Variants in CLEC4F observed in about 807,000 individuals in gnomAD.
CLEC4F encodes C-type (calcium dependent, carbohydrate-recognition domain) lectin, superfamily member 13.
Under a neutral mutation model 53.4 loss-of-function variants are expected in CLEC4F, and 45 were observed. The ratio of observed to expected loss-of-function variants is 0.84; its 90% CI spans 0.66 to 1.08. The LOEUF (loss-of-function observed/expected upper bound fraction) is 1.08. CLEC4F is among the 50% of genes least tolerant of loss of function. CLEC4F has a pLI of 0.00. For missense variants in CLEC4F, 753 were observed against 698.2 expected (o/e 1.08, Z -0.88); for synonymous variants, 245 against 257.5 (o/e 0.95, Z 0.46).
rs146486741 is a variant in CLEC4F at position 70,814,404 on chromosome 2, G to A, written c.1387+1590C>T. On this transcript the variant is annotated intron_variant, in intron 4 of 6. Transcript: ENST00000272367. The stretch of plus-strand genomic sequence containing the variant: ...AGAGATGGGTATAAATCAGGGGTTC[G>A]AAAAGTGTGGTCCCAGACCATCAGC... Among the ~76,000 whole-genome samples the A allele has an allele frequency of 9.5e-3, 1,442 of 152,246 alleles. 24 individuals carry two copies. The highest frequency in any genetic ancestry group is 0.033 in the African/African-American group (1,368 of 41,526).
Position 70,816,654 on chromosome 2 carries a change from C to T in CLEC4F, c.727G>A (p.Ala243Thr), listed in dbSNP as rs1553396156. The change falls in exon 4 of 7, where the codon GCC becomes ACC. Residue 243 changes from alanine to threonine, a missense_variant. Coordinates refer to ENST00000272367, the MANE Select transcript of CLEC4F (RefSeq NM_173535.3). ...TTAGCGTTCTTTAAACTGCTATTGG[C>T]TAACTGAGCCTGGGTATTTGCCGTT... ...LETANTQAQL[A>T]NSSLKNANAE... is the part of the protein sequence containing the mutation. The T allele has an allele frequency of 2.5e-6, 4 of 1,614,184 alleles. No homozygotes were observed. The highest frequency in any genetic ancestry group is 2.5e-6 in the Non-Finnish European group (3 of 1,180,048).
In CLEC4F at chr2:70,816,443, GTGT is replaced by G. The variant is rs1433207614; in HGVS notation, c.935_937del (p.Asn312del). On this transcript the variant is annotated inframe_deletion, in exon 4 of 7. Transcript: ENST00000272367. ...TCTTAAGAACTGGATCTCAGCACTA[GTGT>G]TGTCAAAACTGCTTTTTATAAAGGC... 12 of 1,614,120 alleles carry G rather than the reference GTGT, an allele frequency of 7.4e-6. No homozygotes were observed. The East Asian group carries it at 1.8e-4, about 24-fold the overall frequency.
intron 1 of CLEC4F, among the ~76,000 whole-genome samples, chr2:70,820,139 A>C (rs2075222): frequency 0.34 from 51,809 of 152,122 alleles, 9,587 homozygotes; most frequent in East Asian, 0.53. Flanking sequence ...GAGACCACCG[A>C]TCTCCAAATC....
Position 70,819,126 on chromosome 2 carries a change from G to A in CLEC4F, c.268+229C>T, listed in dbSNP as rs77791575. Among the ~76,000 whole-genome samples, 982 of 152,306 alleles carry A rather than the reference G, an allele frequency of 6.4e-3. 10 individuals are homozygous for A. Among genetic ancestry groups the A allele is most frequent in the African/African-American group, 0.022 (905 of 41,558 alleles). ...ATGACTATGTGATGATGATTGTGGT[G>A]ATGGTTTCAGGGGCACACACATATG... On this transcript the variant is annotated intron_variant, in intron 3 of 6. Coordinates refer to ENST00000272367, the MANE Select transcript of CLEC4F (RefSeq NM_173535.3).
intron 2 of CLEC4F, 117 bp from the exon 3 acceptor site, chr2:70,819,561 A>G (rs1677114912): frequency 2.0e-6 from 2 of 1,025,510 alleles, no homozygotes; most frequent in East Asian, 2.4e-5. Flanking sequence ...AGACCCTCCC[A>G]GGGTTTCCCT....
At chr2:70,817,471 T>A (rs535930559) in intron 3 of CLEC4F, among the ~76,000 whole-genome samples, 1 of 152,216 alleles carries the variant, frequency 6.6e-6, no homozygotes, top group African/African-American at 2.4e-5. Flanking sequence ...CATTTAGAGC[T>A]GTTGAAGTTT....
chr2:70,818,704 C>G (rs1481787747), intron 3 of CLEC4F, among the ~76,000 whole-genome samples: 1 of 151,702 alleles, frequency 6.6e-6, no homozygotes, highest in East Asian at 1.9e-4. Flanking sequence ...GAGCGAGACT[C>G]CGTCAAAAAA....
chr2:70,821,512 T>C (rs1677219519), upstream of CLEC4F, among the ~76,000 whole-genome samples: 1 of 152,168 alleles, frequency 6.6e-6, no homozygotes, highest in Non-Finnish European at 1.5e-5. Context: ...GCTTAGGGAT[T>C]GGTGATCCAC....
At chr2:70,813,548 TTTC>T (rs1553394877) in intron 4 of CLEC4F, among the ~76,000 whole-genome samples, 29 of 148,722 alleles carry the variant, frequency 1.9e-4, no homozygotes, top group Non-Finnish European at 3.7e-4. Flanking sequence ...TTTTTCTTTC[TTTC>T]TTTTTTTCTT....
rs1553395871 is a variant in CLEC4F at position 70,816,306 on chromosome 2, T to G, written c.1075A>C (p.Ile359Leu). ...TCCATCTCTGACTTGAATACCTGAATCTGAGTATCTGTCTGGTCCAGACGG... is the reference window on the plus strand; with the variant it reads ...TCCATCTCTGACTTGAATACCTGAAGCTGAGTATCTGTCTGGTCCAGACGG... Reference protein sequence around the residue: ...NGRLDQTDTQIQVFKSEMENV... With the variant: ...NGRLDQTDTQLQVFKSEMENV... Residue 359 changes from isoleucine (I) to leucine (L), a missense_variant, in exon 4 of 7, where the codon ATT becomes CTT. Transcript: ENST00000272367. 4 of 1,614,232 alleles carry G rather than the reference T, an allele frequency of 2.5e-6. No homozygotes were observed. The highest frequency in any genetic ancestry group is 3.4e-6 in the Non-Finnish European group (4 of 1,180,020).
upstream of CLEC4F, among the ~76,000 whole-genome samples, chr2:70,823,067 A>T (rs1005428): frequency 0.046 from 6,980 of 152,170 alleles, 582 homozygotes; most frequent in African/African-American, 0.16. Flanking sequence ...GGATCTGCAG[A>T]CAGGAAGGGA....
intron 3 of CLEC4F, 27 bp from the exon 4 acceptor site, chr2:70,817,139 C>T: frequency 6.3e-7 from 1 of 1,588,976 alleles, no homozygotes; most frequent in Non-Finnish European, 8.5e-7. Flanking sequence ...AAGAAGGCAG[C>T]CAAAGAGGCC....
chr2:70,808,960 C>T lies in CLEC4F; in HGVS notation c.*311G>A. 1.0e-6 allele frequency: 1 copy of T among 974,398 alleles called. No individual in the cohort carries two copies. The highest frequency in any genetic ancestry group is 1.5e-6 in the Non-Finnish European group (1 of 650,502). The allele number at this position is 974,398 out of a possible 1,614,324, so 60.4% of individuals were successfully genotyped here. A position where few individuals can be genotyped will look rare whatever the true frequency, so the allele number is the denominator to read the frequency against. ...CACACCCTGGCCCATGGGCTTCTTG[C>T]ACACCCACTGATAGGGGGTGTCACA... On this transcript the variant is annotated 3_prime_UTR_variant, in exon 7 of 7. Transcript: ENST00000272367.
chr2:70,820,813 C>A (rs1231042246), upstream of CLEC4F, among the ~76,000 whole-genome samples: 1 of 152,192 alleles, frequency 6.6e-6, no homozygotes, highest in Non-Finnish European at 1.5e-5. Context: ...TCCAGCATAA[C>A]CCCAAACACA....
Position 70,808,839 on chromosome 2 carries a change from G to T in CLEC4F, c.*432C>A, listed in dbSNP as rs1676366619. Reference sequence around the variant, plus strand: ...TCCACAAGGCCAACGGAAGGTCCCAGAGAACAAGCAGAGCTCAGAGGCTCC... The same window carrying T: ...TCCACAAGGCCAACGGAAGGTCCCATAGAACAAGCAGAGCTCAGAGGCTCC... On this transcript the variant is annotated 3_prime_UTR_variant, in exon 7 of 7. Coordinates refer to ENST00000272367, the MANE Select transcript of CLEC4F (RefSeq NM_173535.3). The T allele has an allele frequency of 3.7e-6, 2 of 543,762 alleles. No individual in the cohort carries two copies. Among genetic ancestry groups the T allele is most frequent in the Non-Finnish European group, 6.6e-6 (2 of 301,940 alleles). 33.7% of individuals were successfully genotyped at this position (543,762 alleles called of 1,614,324 possible). A position where few individuals can be genotyped will look rare whatever the true frequency, so the allele number is the denominator to read the frequency against.
intron 3 of CLEC4F, 149 bp from the exon 4 acceptor site, chr2:70,817,261 GCCACCCAGAC>G (rs1676976944): frequency 1.3e-6 from 1 of 775,776 alleles, no homozygotes. Context: ...TGGTCACACA[GCCACCCAGAC>G]CCTGGGGACG....
chr2:70,812,713 C>A (rs1676635646), intron 4 of CLEC4F, 115 bp from the exon 5 acceptor site: 1 of 1,076,218 alleles, frequency 9.3e-7, no homozygotes, highest in Admixed American at 2.2e-5. Flanking sequence ...CCATGAAATT[C>A]TTGATGTGCA....
At position 70,816,319 on chromosome 2, in the gene CLEC4F, C is replaced by T; in HGVS notation, c.1062G>A (p.Gln354=). 1.2e-6 allele frequency: 2 copies of T among 1,614,212 alleles called. No homozygotes were observed. Among genetic ancestry groups the T allele is most frequent in the Non-Finnish European group, 1.7e-6 (2 of 1,180,038 alleles). The part of the protein sequence containing the change: ...QTQKANGRLD[Q]TDTQIQVFKS... ...TGAATACCTGAATCTGAGTATCTGT[C>T]TGGTCCAGACGGCCATTTGCTTTTT... The change falls in exon 4 of 7, where the codon CAG becomes CAA. Residue 354 remains glutamine (Q), a synonymous_variant. Transcript: ENST00000272367.
chr2:70,811,342 G>A lies in CLEC4F; in HGVS notation c.1539+1105C>T, dbSNP rs1676548533. 3.1e-6 allele frequency: 3 copies of A among 971,580 alleles called. No homozygotes were observed. The Admixed American group carries it at 5.4e-5, about 18-fold the overall frequency. The allele number at this position is 971,580 out of a possible 1,614,324, so 60.2% of individuals were successfully genotyped here. A position where few individuals can be genotyped will look rare whatever the true frequency, so the allele number is the denominator to read the frequency against. On this transcript the variant is annotated intron_variant, in intron 5 of 6. Coordinates refer to ENST00000272367, the MANE Select transcript of CLEC4F (RefSeq NM_173535.3). ...TTGGAGCAATCTGCTCTTATGTTCT[G>A]TTGAATAGACTGTTGAGCAGCTAGT...
Sources: gnomAD v4.1 joint callset for allele counts (sites outside exome capture counted in the v4.1 genomes callset) on GRCh38, gnomAD v4.1.1 for gene constraint, MANE v1.5 for transcripts, NCBI Gene and HGNC (gene_info 2026-07-23, HGNC 2026-07-21) for gene names.